The following FAM174A variants were observed in gnomAD, a reference collection of about 807,000 sequenced individuals.
FAM174A encodes membrane protein FAM174A.
In FAM174A, 14 loss-of-function variants were observed where a neutral mutation model predicts 14.3. That is an observed-to-expected ratio of 0.98 (90% CI 0.65 to 1.53). FAM174A has a LOEUF of 1.53. Among genes scored for constraint, FAM174A ranks in the 40% most tolerant of loss-of-function variants. The probability of loss-of-function intolerance (pLI) is 0.00; values close to 1 mark genes in which losing one functional copy is unlikely to be tolerated. For missense variants in FAM174A, 241 were observed against 249.6 expected (o/e 0.97, Z 0.23); for synonymous variants, 108 against 111.4 (o/e 0.97, Z 0.19).
intron 1 of FAM174A, among the ~76,000 whole-genome samples, chr5:100,551,322 G>A (rs1390118616): frequency 6.6e-6 from 1 of 152,086 alleles, no homozygotes; most frequent in African/African-American, 2.4e-5. Flanking sequence ...TTCATGCCAG[G>A]ACAATAACCC....
At chr5:100,562,473 T>C in intron 2 of FAM174A, among the ~76,000 whole-genome samples, 1 of 151,870 alleles carries the variant, frequency 6.6e-6, no homozygotes, top group Non-Finnish European at 1.5e-5. Flanking sequence ...GGTCGTTACA[T>C]AGGTAAACTT....
At chr5:100,540,891 A>G (rs899807653) in intron 1 of FAM174A, among the ~76,000 whole-genome samples, 2 of 152,216 alleles carry the variant, frequency 1.3e-5, no homozygotes, top group Admixed American at 6.5e-5. Flanking sequence ...AGACATTGAT[A>G]TCTATACGGG....
At chr5:100,576,486 G>T (rs1746909258) in intron 2 of FAM174A, among the ~76,000 whole-genome samples, 2 of 152,242 alleles carry the variant, frequency 1.3e-5, no homozygotes, top group South Asian at 4.1e-4. Context: ...AATGAGAAAG[G>T]TTTCCCTAAA....
intron 2 of FAM174A, chr5:100,581,325 A>ATTGAT (rs1747007146): frequency 1.0e-6 from 1 of 966,680 alleles, no homozygotes; most frequent in South Asian, 4.8e-5. Flanking sequence ...CTCATACCAT[A>ATTGAT]TTGATTCTCC....
At chr5:100,574,258 G>A (rs907303840) in intron 2 of FAM174A, among the ~76,000 whole-genome samples, 9 of 151,970 alleles carry the variant, frequency 5.9e-5, no homozygotes, top group Non-Finnish European at 1.2e-4. Context: ...GCACTATCTC[G>A]GCTCACTGCA....
At chr5:100,581,161 T>C (rs928741708) in intron 2 of FAM174A, among the ~76,000 whole-genome samples, 2 of 152,016 alleles carry the variant, frequency 1.3e-5, no homozygotes. Context: ...AACTCCTGAC[T>C]GCAGGTGATT....
intron 1 of FAM174A, among the ~76,000 whole-genome samples, chr5:100,538,918 A>T (rs1311188304): frequency 6.6e-6 from 1 of 152,178 alleles, no homozygotes; most frequent in Non-Finnish European, 1.5e-5. Flanking sequence ...TTTAGCACGT[A>T]TGGTAATTAT....
Position 100,552,510 on chromosome 5 carries a change from G to C in FAM174A, c.435-9544G>C, listed in dbSNP as rs187818371. Among the ~76,000 whole-genome samples the C allele has an allele frequency of 8.4e-4, 127 of 152,040 alleles. 1 individual carries two copies. The Middle Eastern group carries it at 0.01, about 12-fold the overall frequency. On this transcript the variant is annotated intron_variant, in intron 1 of 2. Transcript: ENST00000312637. Reference sequence around the variant, plus strand: ...AGAAGAGAAAAAATCAAATCAGGTAGATACAGCAAATTACAGCAAACTTAA... The same window carrying C: ...AGAAGAGAAAAAATCAAATCAGGTACATACAGCAAATTACAGCAAACTTAA...
At chr5:100,578,017 G>A (rs78435686) in intron 2 of FAM174A, among the ~76,000 whole-genome samples, 1,538 of 152,114 alleles carry the variant, frequency 0.01, 24 homozygotes, top group African/African-American at 0.035. Flanking sequence ...ACAGCATAGC[G>A]CATACTAATA....
chr5:100,573,490 A>G (rs1746837275), intron 2 of FAM174A, among the ~76,000 whole-genome samples: 1 of 152,112 alleles, frequency 6.6e-6, no homozygotes, highest in Admixed American at 6.6e-5. Flanking sequence ...GTTTTAGAGA[A>G]TAAAATACCT....
At chr5:100,554,654 C>A (rs947661347) in intron 1 of FAM174A, among the ~76,000 whole-genome samples, 1 of 151,962 alleles carries the variant, frequency 6.6e-6, no homozygotes, top group Non-Finnish European at 1.5e-5. Flanking sequence ...TTTATTATTT[C>A]TTTTCTTTGT....
intron 1 of FAM174A, among the ~76,000 whole-genome samples, chr5:100,537,174 C>T (rs773027057): frequency 7.2e-5 from 11 of 152,084 alleles, no homozygotes; most frequent in Non-Finnish European, 1.5e-4. Context: ...TATATCTGTG[C>T]GAAGATGGAA....
intron 2 of FAM174A, among the ~76,000 whole-genome samples, chr5:100,571,672 G>A (rs376235556): frequency 0.017 from 2,339 of 136,618 alleles, 61 homozygotes; most frequent in African/African-American, 0.054. Flanking sequence ...GTGTGTGTGT[G>A]TATATATATA....
chr5:100,537,656 C>CT (rs1745966639), intron 1 of FAM174A, among the ~76,000 whole-genome samples: 1 of 152,134 alleles, frequency 6.6e-6, no homozygotes, highest in Admixed American at 6.5e-5. Context: ...CACTCACACT[C>CT]TAAGTGTTAA....
chr5:100,535,433 T>G lies in FAM174A; in HGVS notation c.-98T>G. 1 of 1,348,442 alleles carries G rather than the reference T, an allele frequency of 7.4e-7. No individual in the cohort carries two copies. The highest frequency in any genetic ancestry group is 1.0e-6 in the Non-Finnish European group (1 of 975,210). The allele number at this position is 1,348,442 out of a possible 1,614,324, so 83.5% of individuals were successfully genotyped here. ...GACCGGGCCTCTCCCTGGCGTTTGG[T>G]CACCTCTGCTTCATTCTCCACCGCG... On this transcript the variant is annotated 5_prime_UTR_variant, in exon 1 of 3. Transcript: ENST00000312637.
At chr5:100,580,102 C>A (rs1746981714) in intron 2 of FAM174A, among the ~76,000 whole-genome samples, 1 of 151,908 alleles carries the variant, frequency 6.6e-6, no homozygotes, top group Admixed American at 6.6e-5. Context: ...CTTATAACAC[C>A]AAAAATGCAT....
intron 1 of FAM174A, among the ~76,000 whole-genome samples, chr5:100,544,459 G>A (rs1328200174): frequency 1.3e-5 from 2 of 151,828 alleles, no homozygotes; most frequent in Non-Finnish European, 2.9e-5. Context: ...GAGAAGGAGA[G>A]GAGAGAGAGG....
intron 1 of FAM174A, among the ~76,000 whole-genome samples, chr5:100,544,053 C>T (rs1303662354): frequency 1.3e-5 from 2 of 152,032 alleles, no homozygotes; most frequent in Non-Finnish European, 2.9e-5. Context: ...GAATTAATAT[C>T]AAAAGGAAAT....
At chr5:100,568,281 AG>A (rs1327436925) in intron 2 of FAM174A, among the ~76,000 whole-genome samples, 1 of 151,784 alleles carries the variant, frequency 6.6e-6, no homozygotes, top group African/African-American at 2.4e-5. Flanking sequence ...ATGTTTTTTA[AG>A]TGCCTCCTTA....
Sources: allele counts gnomAD v4.1 joint callset (sites outside exome capture counted in the v4.1 genomes callset), GRCh38; gene constraint gnomAD v4.1.1; transcripts MANE v1.5; gene names NCBI Gene and HGNC (gene_info 2026-07-23, HGNC 2026-07-21).